BEND5: variants seen among roughly 807,000 people sequenced by gnomAD.
BEND5 encodes BEN domain containing 5, also known as BEN domain-containing protein 5.
Under a neutral mutation model 43.9 loss-of-function variants are expected in BEND5, and 22 were observed. The ratio of observed to expected loss-of-function variants is 0.50; its 90% CI spans 0.36 to 0.72. The LOEUF (loss-of-function observed/expected upper bound fraction) is 0.72, where lower values mean the gene tolerates loss of function less well. Among genes scored for constraint, BEND5 ranks in the 30% least tolerant of loss-of-function variants. BEND5 has a pLI of 0.00. For synonymous variants in BEND5, 228 were observed against 225.9 expected, an observed-to-expected ratio of 1.01 and a Z score of -0.08; for missense variants, 428 against 550.6, an observed-to-expected ratio of 0.78 and a Z score of 2.23.
chr1:48,727,865 G>A lies in BEND5; in HGVS notation c.*21C>T, dbSNP rs1557909334. 2 of 1,594,016 alleles carry A rather than the reference G, an allele frequency of 1.3e-6. No individual in the cohort carries two copies. Among genetic ancestry groups the A allele is most frequent in the Non-Finnish European group, 1.7e-6 (2 of 1,164,732 alleles). On this transcript the variant is annotated 3_prime_UTR_variant, in exon 6 of 6. Coordinates refer to ENST00000371833, the MANE Select transcript of BEND5 (RefSeq NM_024603.4). Reference sequence around the variant, plus strand: ...CATGCCACACAAGGAAAACACGAAAGCTTTATGAAAAATCCAAAGTTTATT... The same window carrying A: ...CATGCCACACAAGGAAAACACGAAAACTTTATGAAAAATCCAAAGTTTATT...
intron 5 of BEND5, among the ~76,000 whole-genome samples, chr1:48,735,242 G>A (rs1454709887): frequency 6.6e-6 from 1 of 152,182 alleles, no homozygotes; most frequent in African/African-American, 2.4e-5. Context: ...TGTCTCTATA[G>A]TTTGTGTTTT....
At chr1:48,757,496 G>A (rs1454579835) in intron 3 of BEND5, among the ~76,000 whole-genome samples, 1 of 152,154 alleles carries the variant, frequency 6.6e-6, no homozygotes, top group Non-Finnish European at 1.5e-5. Flanking sequence ...AGTGGACAAA[G>A]TCCAGCCTAT....
At chr1:48,738,160 C>T (rs1052718286) in intron 4 of BEND5, among the ~76,000 whole-genome samples, 1 of 152,186 alleles carries the variant, frequency 6.6e-6, no homozygotes, top group African/African-American at 2.4e-5. Flanking sequence ...AAAACTTCTT[C>T]CTTTACCAAT....
intron 2 of BEND5, 51 bp downstream of exon 2, chr1:48,761,285 GA>G: frequency 6.6e-7 from 1 of 1,506,788 alleles, no homozygotes; most frequent in Non-Finnish European, 8.9e-7. Context: ...TTAGCTACGA[GA>G]TATCTGAAAA....
At chr1:48,747,471 T>TG (rs1650951645) in intron 3 of BEND5, among the ~76,000 whole-genome samples, 1 of 152,216 alleles carries the variant, frequency 6.6e-6, no homozygotes. Flanking sequence ...CAAGAGGCAC[T>TG]GGGGACCCAG....
chr1:48,769,258 T>C (rs565896887), intron 1 of BEND5, among the ~76,000 whole-genome samples: 47 of 152,180 alleles, frequency 3.1e-4, no homozygotes, highest in Non-Finnish European at 5.0e-4. Context: ...GCCATCCACA[T>C]AGGGAGAGAA....
At chr1:48,743,131 G>A (rs1002508578) in intron 3 of BEND5, among the ~76,000 whole-genome samples, 1 of 152,196 alleles carries the variant, frequency 6.6e-6, no homozygotes, top group Non-Finnish European at 1.5e-5. Flanking sequence ...TATGCAAATC[G>A]TGTATTTGCC....
rs571856197 is a variant in BEND5 at position 48,746,271 on chromosome 1, C to T, written c.746-3500G>A. Among the ~76,000 whole-genome samples, 8 of 152,218 alleles carry T rather than the reference C, an allele frequency of 5.3e-5. No individual in the cohort carries two copies. The South Asian group carries it at 8.3e-4, about 16-fold the overall frequency. On this transcript the variant is annotated intron_variant, in intron 3 of 5. Transcript: ENST00000371833. ...GTCATTCACTCCCTCTCCACCCACT[C>T]CCACACAAGTTACACTTGTGCGCTT...
chr1:48,756,645 C>T (rs536192391), intron 3 of BEND5, among the ~76,000 whole-genome samples: 13 of 152,222 alleles, frequency 8.5e-5, no homozygotes, highest in African/African-American at 3.1e-4. Context: ...AAACATACAA[C>T]CTCCTCTTAA....
intron 3 of BEND5, among the ~76,000 whole-genome samples, chr1:48,744,897 G>A (rs1287909273): frequency 3.3e-5 from 5 of 152,116 alleles, no homozygotes; most frequent in East Asian, 3.8e-4. Flanking sequence ...TTGTCTTGGC[G>A]CTGAACACTA....
chr1:48,753,151 C>A (rs753324225), intron 3 of BEND5, among the ~76,000 whole-genome samples: 14 of 152,204 alleles, frequency 9.2e-5, no homozygotes, highest in Non-Finnish European at 1.9e-4. Context: ...CCCGAGGCAA[C>A]AAAATTTGAA....
At chr1:48,760,804 T>G (rs1644217897) in intron 2 of BEND5, among the ~76,000 whole-genome samples, 1 of 152,132 alleles carries the variant, frequency 6.6e-6, no homozygotes, top group Admixed American at 6.5e-5. Flanking sequence ...CCGAACAAGA[T>G]TTTCAGCAGT....
chr1:48,743,540 A>G (rs1650265497), intron 3 of BEND5, among the ~76,000 whole-genome samples: 1 of 152,220 alleles, frequency 6.6e-6, no homozygotes, highest in Non-Finnish European at 1.5e-5. Context: ...TGACTTGATT[A>G]ACTTTTGTGG....
Position 48,761,539 on chromosome 1 carries a change from C to T in BEND5, c.227-69G>A. 4 of 1,434,378 alleles carry T rather than the reference C, an allele frequency of 2.8e-6. No individual in the cohort carries two copies. The South Asian group carries it at 5.4e-5, about 19-fold the overall frequency. 88.9% of individuals were successfully genotyped at this position (1,434,378 alleles called of 1,614,324 possible). On this transcript the variant is annotated intron_variant, in intron 1 of 5. Transcript: ENST00000371833. Reference sequence around the variant, plus strand: ...TGAGTCATTATGAGTTTAGAATGCCCAAAACCTCAAATGCTAGAAAATAAT... The same window carrying T: ...TGAGTCATTATGAGTTTAGAATGCCTAAAACCTCAAATGCTAGAAAATAAT...
intron 5 of BEND5, among the ~76,000 whole-genome samples, chr1:48,731,832 G>GC (rs1390002018): frequency 6.6e-6 from 1 of 152,162 alleles, no homozygotes. Context: ...ATGTTTAGAA[G>GC]CTTACCCTTC....
At chr1:48,760,362 G>A (rs1300300085) in intron 2 of BEND5, among the ~76,000 whole-genome samples, 1 of 152,206 alleles carries the variant, frequency 6.6e-6, no homozygotes, top group Non-Finnish European at 1.5e-5. Flanking sequence ...GAGATTCCAG[G>A]CAGTTCTAAG....
At chr1:48,773,692 A>G (rs1389296888) in intron 1 of BEND5, among the ~76,000 whole-genome samples, 3 of 152,182 alleles carry the variant, frequency 2.0e-5, no homozygotes, top group African/African-American at 7.2e-5. Flanking sequence ...TTTACAAAGG[A>G]GACTGCCAAG....
intron 3 of BEND5, among the ~76,000 whole-genome samples, chr1:48,755,641 TTC>T (rs2148646304): frequency 6.6e-6 from 1 of 152,276 alleles, no homozygotes; most frequent in African/African-American, 2.4e-5. Context: ...GTTCTCTGCC[TTC>T]TTAGTGGTGT....
Position 48,758,952 on chromosome 1 carries a change from G to T in BEND5, c.693C>A (p.Leu231=). ...YGALVSEMKE[L]RDLNRRLQDV... is the part of the protein sequence containing the mutation. ...CCTGGAGCCTCCGGTTAAGGTCACGGAGCTCCTTCATTTCAGACACAAGTG... is the reference window on the plus strand; with the variant it reads ...CCTGGAGCCTCCGGTTAAGGTCACGTAGCTCCTTCATTTCAGACACAAGTG... Residue 231 remains leucine (L), a synonymous_variant, in exon 3 of 6, where the codon CTC becomes CTA. Transcript: ENST00000371833. The T allele has an allele frequency of 6.3e-7, 1 of 1,598,424 alleles. No homozygotes were observed.
Sources: gnomAD v4.1 joint callset for allele counts (sites outside exome capture counted in the v4.1 genomes callset) on GRCh38, gnomAD v4.1.1 for gene constraint, MANE v1.5 for transcripts, NCBI Gene and HGNC (gene_info 2026-07-23, HGNC 2026-07-21) for gene names.